Variants in ADK observed in about 807,000 individuals in gnomAD.
ADK encodes the protein N6,N6-dimethyladenosine kinase.
Under a neutral mutation model 44.7 loss-of-function variants are expected in ADK, and 24 were observed. That is an observed-to-expected ratio of 0.54 (90% CI 0.39 to 0.76). The LOEUF is 0.76. ADK is among the 30% of genes least tolerant of loss of function. The pLI is 0.00. For missense variants in ADK, 321 were observed against 425.1 expected (o/e 0.76, Z 2.15); for synonymous variants, 128 against 142.6 (o/e 0.90, Z 0.73).
At chr10:74,702,425 G>A (rs566152135) in intron 10 of ADK, among the ~76,000 whole-genome samples, 13 of 151,602 alleles carry the variant, frequency 8.6e-5, no homozygotes, top group East Asian at 1.9e-4. Context: ...CTTGTGATCC[G>A]CCCCCCTCGG....
At chr10:74,247,379 C>T (rs1384388283) in intron 3 of ADK, among the ~76,000 whole-genome samples, 1 of 151,800 alleles carries the variant, frequency 6.6e-6, no homozygotes, top group African/African-American at 2.4e-5. Flanking sequence ...CCTGGGACTA[C>T]AGGCACGTGC....
At chr10:74,223,503 C>T (rs986337103) in intron 2 of ADK, among the ~76,000 whole-genome samples, 1 of 152,098 alleles carries the variant, frequency 6.6e-6, no homozygotes, top group Non-Finnish European at 1.5e-5. Context: ...TCAACATGAC[C>T]TTTCAAATGG....
At chr10:74,237,110 T>C (rs887389230) in intron 3 of ADK, among the ~76,000 whole-genome samples, 2 of 152,214 alleles carry the variant, frequency 1.3e-5, no homozygotes, top group African/African-American at 4.8e-5. Context: ...AATTTCTCTG[T>C]AATATGCAAT....
chr10:74,462,901 A>G (rs912561765), intron 6 of ADK, among the ~76,000 whole-genome samples: 1 of 152,174 alleles, frequency 6.6e-6, no homozygotes, highest in Non-Finnish European at 1.5e-5. Flanking sequence ...TGACTCTCAT[A>G]TAAAATTTAG....
chr10:74,379,645 C>T (rs1208129277), intron 4 of ADK, among the ~76,000 whole-genome samples: 5 of 152,180 alleles, frequency 3.3e-5, no homozygotes, highest in Non-Finnish European at 5.9e-5. Context: ...TTGCATTGCT[C>T]CTCCCTCTGG....
At chr10:74,459,516 G>T (rs1009971133) in intron 6 of ADK, among the ~76,000 whole-genome samples, 2 of 151,796 alleles carry the variant, frequency 1.3e-5, no homozygotes, top group Admixed American at 1.3e-4. Context: ...AGATCACGAG[G>T]TCAAGAGATC....
chr10:74,639,460 TC>T (rs1263529764), intron 9 of ADK, among the ~76,000 whole-genome samples: 2 of 152,226 alleles, frequency 1.3e-5, no homozygotes, highest in Non-Finnish European at 2.9e-5. Flanking sequence ...CACAGTGGGT[TC>T]ATTCACTTTG....
intron 3 of ADK, among the ~76,000 whole-genome samples, chr10:74,255,284 T>TAGTTGG (rs1845786402): frequency 6.6e-6 from 1 of 152,112 alleles, no homozygotes; most frequent in Non-Finnish European, 1.5e-5. Flanking sequence ...CAGTGTGTCT[T>TAGTTGG]AGTTGGTTGT....
At chr10:74,583,876 C>T (rs1402173760) in intron 7 of ADK, among the ~76,000 whole-genome samples, 4 of 152,132 alleles carry the variant, frequency 2.6e-5, no homozygotes, top group Non-Finnish European at 4.4e-5. Flanking sequence ...AGGGGAGGAT[C>T]TTCTTCCAAG....
chr10:74,152,156 T>C (rs1444605622), intron 1 of ADK, among the ~76,000 whole-genome samples: 2 of 152,198 alleles, frequency 1.3e-5, no homozygotes, highest in African/African-American at 2.4e-5. Context: ...ATTAGGACAC[T>C]CCTGATTAAA....
At chr10:74,287,463 CAA>C (rs879647051) in intron 3 of ADK, among the ~76,000 whole-genome samples, 2 of 104,962 alleles carry the variant, frequency 1.9e-5, no homozygotes, top group Non-Finnish European at 2.0e-5. Context: ...GACTCCGTCT[CAA>C]AAAAAAAAAA....
chr10:74,426,897 C>G (rs1564715560), intron 6 of ADK, among the ~76,000 whole-genome samples: 1 of 152,048 alleles, frequency 6.6e-6, no homozygotes, highest in Non-Finnish European at 1.5e-5. Flanking sequence ...CACCCATCAA[C>G]TATCACCTAC....
chr10:74,295,624 C>T (rs1839784292), intron 3 of ADK, among the ~76,000 whole-genome samples: 2 of 150,946 alleles, frequency 1.3e-5, no homozygotes, highest in East Asian at 3.9e-4. Context: ...TTTGGTGTTC[C>T]TCCCTTTTTT....
intron 9 of ADK, among the ~76,000 whole-genome samples, chr10:74,617,948 C>T (rs991616170): frequency 5.3e-5 from 8 of 152,116 alleles, no homozygotes; most frequent in African/African-American, 7.2e-5. Flanking sequence ...ATAATTCTCA[C>T]GTCTTCCTGA....
At chr10:74,168,717 A>G (rs1024506307) in intron 1 of ADK, among the ~76,000 whole-genome samples, 4 of 151,136 alleles carry the variant, frequency 2.6e-5, no homozygotes, top group Admixed American at 2.6e-4. Context: ...GGTTCAAGCG[A>G]TTCTCCTGCC....
At chr10:74,372,335 T>C (rs1227064195) in intron 4 of ADK, 6 of 750,094 alleles carry the variant, frequency 8.0e-6, no homozygotes, top group Non-Finnish European at 1.2e-5. Flanking sequence ...ACTGGAGTGC[T>C]GAGCCTGCCA....
intron 6 of ADK, among the ~76,000 whole-genome samples, chr10:74,405,518 C>A (rs1226137991): frequency 2.0e-5 from 3 of 151,896 alleles, no homozygotes; most frequent in African/African-American, 7.3e-5. Context: ...ACGTGCACAA[C>A]ATGCAGGTTT....
At chr10:74,442,457 C>A (rs943193638) in intron 6 of ADK, among the ~76,000 whole-genome samples, 1 of 152,052 alleles carries the variant, frequency 6.6e-6, no homozygotes. Flanking sequence ...ACTGGCCTGG[C>A]CAACATGATG....
chr10:74,284,445 G>A (rs1435905210), intron 3 of ADK, among the ~76,000 whole-genome samples: 2 of 152,096 alleles, frequency 1.3e-5, no homozygotes, highest in Non-Finnish European at 2.9e-5. Context: ...TGTATTTTTA[G>A]TAGAGACGGG....
Sources: gnomAD v4.1 joint callset for allele counts (sites outside exome capture counted in the v4.1 genomes callset) on GRCh38, gnomAD v4.1.1 for gene constraint, MANE v1.5 for transcripts, NCBI Gene and HGNC (gene_info 2026-07-23, HGNC 2026-07-21) for gene names.